Variants in SLC35F1 observed in about 807,000 individuals in gnomAD.
SLC35F1 encodes chromosome 6 open reading frame 169.
Under a neutral mutation model 48.7 loss-of-function variants are expected in SLC35F1, and 14 were observed. The ratio of observed to expected loss-of-function variants is 0.29; its 90% CI spans 0.19 to 0.45. The LOEUF (loss-of-function observed/expected upper bound fraction) is 0.45. Among genes scored for constraint, SLC35F1 ranks in the 20% least tolerant of loss-of-function variants. The probability of loss-of-function intolerance (pLI) is 1.00; values close to 1 mark genes in which losing one functional copy is unlikely to be tolerated. For synonymous variants in SLC35F1, 190 were observed against 202.2 expected, an observed-to-expected ratio of 0.94 and a Z score of 0.51; for missense variants, 404 against 500.0, an observed-to-expected ratio of 0.81 and a Z score of 1.83.
chr6:118,055,819 T>G (rs897570632), intron 1 of SLC35F1, among the ~76,000 whole-genome samples: 3 of 152,186 alleles, frequency 2.0e-5, no homozygotes, highest in Non-Finnish European at 4.4e-5. Context: ...GCTACTACAT[T>G]TATTGATGAG....
chr6:117,991,077 G>A (rs1445413172), intron 1 of SLC35F1, among the ~76,000 whole-genome samples: 1 of 152,090 alleles, frequency 6.6e-6, no homozygotes, highest in Non-Finnish European at 1.5e-5. Context: ...CAACAAAGAA[G>A]AAAATAAAAA....
chr6:117,996,609 G>A (rs1776995684), intron 1 of SLC35F1, among the ~76,000 whole-genome samples: 1 of 152,168 alleles, frequency 6.6e-6, no homozygotes, highest in African/African-American at 2.4e-5. Flanking sequence ...TCAGACAGCA[G>A]CATTCGCGGT....
chr6:117,954,374 G>A (rs548303007), intron 1 of SLC35F1, among the ~76,000 whole-genome samples: 1 of 152,184 alleles, frequency 6.6e-6, no homozygotes, highest in South Asian at 2.1e-4. Flanking sequence ...TCCTGCCTCA[G>A]CCTCCCGAGT....
intron 1 of SLC35F1, among the ~76,000 whole-genome samples, chr6:117,928,169 C>T (rs1016084): frequency 0.22 from 33,094 of 151,982 alleles, 3,995 homozygotes; most frequent in African/African-American, 0.32. Flanking sequence ...AAATGAAGTG[C>T]TTAGCTCAGA....
At chr6:117,972,985 G>A (rs1039022636) in intron 1 of SLC35F1, among the ~76,000 whole-genome samples, 8 of 152,166 alleles carry the variant, frequency 5.3e-5, no homozygotes, top group Non-Finnish European at 1.0e-4. Context: ...GAGTTTGGCT[G>A]GTGTTTTATC....
chr6:118,235,561 T>C lies in SLC35F1; in HGVS notation c.402T>C (p.Ile134=). 2 of 1,613,586 alleles carry C rather than the reference T, an allele frequency of 1.2e-6. No homozygotes were observed. Among genetic ancestry groups the C allele is most frequent in the Non-Finnish European group, 1.7e-6 (2 of 1,179,692 alleles). ...GACGAAGATGGTGGAAGTACATGAT[T>C]TTGGGACTCATAGACCTGGAAGCAA... ...ILRRRWWKYM[I]LGLIDLEANY... The change falls in exon 3 of 8, where the codon ATT becomes ATC. Residue 134 remains isoleucine, a synonymous_variant. Transcript: ENST00000360388.
intron 1 of SLC35F1, among the ~76,000 whole-genome samples, chr6:117,913,828 G>A (rs1775792272): frequency 6.6e-6 from 1 of 152,016 alleles, no homozygotes; most frequent in African/African-American, 2.4e-5. Flanking sequence ...AGGTGGGAGG[G>A]TCATCTGAGG....
chr6:118,147,737 C>A (rs1394906119), intron 1 of SLC35F1, among the ~76,000 whole-genome samples: 1 of 152,082 alleles, frequency 6.6e-6, no homozygotes, highest in African/African-American at 2.4e-5. Context: ...TCACACCAGT[C>A]TCAAAAATCT....
intron 1 of SLC35F1, among the ~76,000 whole-genome samples, chr6:118,044,698 A>C (rs1412563567): frequency 6.6e-6 from 1 of 152,150 alleles, no homozygotes; most frequent in Non-Finnish European, 1.5e-5. Flanking sequence ...GGTTTCGAAG[A>C]GGAAAAAAAA....
intron 2 of SLC35F1, among the ~76,000 whole-genome samples, chr6:118,217,454 CA>C (rs1775090189): frequency 6.6e-6 from 1 of 152,044 alleles, no homozygotes; most frequent in Admixed American, 6.6e-5. Flanking sequence ...GGAAGTAGAA[CA>C]ATGGCTCCTA....
chr6:118,111,624 A>C (rs62423665), intron 1 of SLC35F1, among the ~76,000 whole-genome samples: 20,024 of 152,196 alleles, frequency 0.13, 1,345 homozygotes, highest in South Asian at 0.28. Context: ...AATGATATAG[A>C]TCAGAAACTC....
At chr6:117,946,519 A>G (rs1776296980) in intron 1 of SLC35F1, among the ~76,000 whole-genome samples, 1 of 152,202 alleles carries the variant, frequency 6.6e-6, no homozygotes, top group Non-Finnish European at 1.5e-5. Context: ...TCAGTTCACT[A>G]TTACTTTCCA....
At chr6:118,104,580 C>T (rs987451181) in intron 1 of SLC35F1, among the ~76,000 whole-genome samples, 1 of 152,090 alleles carries the variant, frequency 6.6e-6, no homozygotes, top group East Asian at 1.9e-4. Flanking sequence ...TCAGCCACTA[C>T]AGAAGTTATA....
chr6:118,048,843 C>T (rs2114908047), intron 1 of SLC35F1, among the ~76,000 whole-genome samples: 1 of 152,288 alleles, frequency 6.6e-6, no homozygotes, highest in East Asian at 1.9e-4. Flanking sequence ...TGTCTTTCTT[C>T]ACAGAATTGG....
At chr6:118,260,346 A>G (rs1349356745) in intron 3 of SLC35F1, among the ~76,000 whole-genome samples, 1 of 152,174 alleles carries the variant, frequency 6.6e-6, no homozygotes, top group Admixed American at 6.5e-5. Context: ...CACTAATTGC[A>G]TACTTTAAAA....
chr6:118,091,539 A>G (rs1338668974), intron 1 of SLC35F1, among the ~76,000 whole-genome samples: 1 of 152,162 alleles, frequency 6.6e-6, no homozygotes, highest in Non-Finnish European at 1.5e-5. Context: ...AGTTATGTGG[A>G]AGTGTGAGTC....
At chr6:118,291,841 G>T (rs1776127708) in intron 7 of SLC35F1, among the ~76,000 whole-genome samples, 1 of 152,132 alleles carries the variant, frequency 6.6e-6, no homozygotes, top group Non-Finnish European at 1.5e-5. Context: ...GATGTGGCTG[G>T]GCACGGTGGC....
chr6:118,227,487 C>G (rs139984700), intron 2 of SLC35F1, among the ~76,000 whole-genome samples: 31 of 152,292 alleles, frequency 2.0e-4, no homozygotes, highest in African/African-American at 7.5e-4. Flanking sequence ...TGTGTTGTAT[C>G]TATTCTGTCT....
In SLC35F1 at chr6:118,044,595, C is replaced by G. The variant is rs1056961870; in HGVS notation, c.174-109850C>G. Among the ~76,000 whole-genome samples, 7 of 152,152 alleles carry G rather than the reference C, an allele frequency of 4.6e-5. No homozygotes were observed. The East Asian group carries it at 9.7e-4, about 21-fold the overall frequency. On this transcript the variant is annotated intron_variant, in intron 1 of 7. Coordinates refer to ENST00000360388, the MANE Select transcript of SLC35F1 (RefSeq NM_001029858.4). ...GTCCTTATGTCCAGGAATGTGGGGT[C>G]CAGCCTCAGAGTGGTCAGTTGCATA... is the stretch of plus-strand genomic sequence containing the variant.
Sources: allele counts gnomAD v4.1 joint callset (sites outside exome capture counted in the v4.1 genomes callset), GRCh38; gene constraint gnomAD v4.1.1; transcripts MANE v1.5; gene names NCBI Gene and HGNC (gene_info 2026-07-23, HGNC 2026-07-21).